Variants in CNTNAP2 observed in about 807,000 individuals in gnomAD.
CNTNAP2 encodes the protein contactin associated protein 2.
CNTNAP2 carries 98 observed loss-of-function variants against 155.2 expected under a neutral mutation model. The ratio of observed to expected loss-of-function variants is 0.63; its 90% CI spans 0.54 to 0.75. The LOEUF is 0.75. Among genes scored for constraint, CNTNAP2 ranks in the 30% least tolerant of loss-of-function variants. CNTNAP2 has a pLI of 0.00. For missense variants in CNTNAP2, 1,727 were observed against 1,688.1 expected, an observed-to-expected ratio of 1.02 and a Z score of -0.40; for synonymous variants, 651 against 631.2, an observed-to-expected ratio of 1.03 and a Z score of -0.47.
At chr7:146,654,645 T>G (rs886561342) in intron 1 of CNTNAP2, among the ~76,000 whole-genome samples, 32 of 152,214 alleles carry the variant, frequency 2.1e-4, no homozygotes, top group African/African-American at 7.7e-4. Context: ...GTGATTTGGT[T>G]GCATAATTTA....
chr7:146,246,074 A>G (rs542169976), intron 1 of CNTNAP2, among the ~76,000 whole-genome samples: 144 of 152,196 alleles, frequency 9.5e-4, no homozygotes, highest in Admixed American at 2.4e-3. Context: ...GCCATGCTGT[A>G]GCAGGCAAGT....
intron 12 of CNTNAP2, among the ~76,000 whole-genome samples, chr7:147,608,245 C>A (rs1801111234): frequency 1.3e-5 from 2 of 151,442 alleles, no homozygotes; most frequent in East Asian, 3.9e-4. Flanking sequence ...TAAGAAGTAC[C>A]TTGCACCTTA....
intron 18 of CNTNAP2, among the ~76,000 whole-genome samples, chr7:148,198,085 A>G (rs1395483924): frequency 2.0e-5 from 3 of 152,212 alleles, no homozygotes; most frequent in Admixed American, 2.0e-4. Flanking sequence ...TTCCATGTGA[A>G]GGGAACGATG....
chr7:146,674,432 C>T (rs1179402067), intron 1 of CNTNAP2, among the ~76,000 whole-genome samples: 1 of 151,958 alleles, frequency 6.6e-6, no homozygotes, highest in East Asian at 1.9e-4. Context: ...TCCAAACATT[C>T]TGTAGTAAAA....
chr7:147,191,060 G>A (rs1242261604), intron 8 of CNTNAP2, among the ~76,000 whole-genome samples: 1 of 152,060 alleles, frequency 6.6e-6, no homozygotes, highest in Non-Finnish European at 1.5e-5. Flanking sequence ...AGAAAGAAAA[G>A]AAGAAAAGGG....
intron 1 of CNTNAP2, among the ~76,000 whole-genome samples, chr7:146,635,625 A>T (rs1249427345): frequency 6.6e-6 from 1 of 152,198 alleles, no homozygotes; most frequent in Non-Finnish European, 1.5e-5. Context: ...GTTAAGCTGC[A>T]TGGGGTAGAC....
chr7:146,720,667 T>G (rs1801270513), intron 1 of CNTNAP2, among the ~76,000 whole-genome samples: 1 of 151,946 alleles, frequency 6.6e-6, no homozygotes, highest in Non-Finnish European at 1.5e-5. Context: ...CTTACTTCCA[T>G]TTCCATTCAC....
At chr7:147,705,660 C>T (rs1411899538) in intron 13 of CNTNAP2, among the ~76,000 whole-genome samples, 2 of 151,972 alleles carry the variant, frequency 1.3e-5, no homozygotes, top group South Asian at 2.1e-4. Context: ...GTTGAAGTTC[C>T]CAACTATTAT....
chr7:147,221,048 C>T (rs1240385923), intron 8 of CNTNAP2, among the ~76,000 whole-genome samples: 1 of 151,648 alleles, frequency 6.6e-6, no homozygotes, highest in East Asian at 1.9e-4. Flanking sequence ...AAATTGTTGT[C>T]CTGGAGTTGC....
At chr7:146,250,128 A>G (rs1257814701) in intron 1 of CNTNAP2, among the ~76,000 whole-genome samples, 1 of 152,192 alleles carries the variant, frequency 6.6e-6, no homozygotes, top group African/African-American at 2.4e-5. Flanking sequence ...CATCAGGGTA[A>G]CACCTTCAGT....
At chr7:146,846,880 A>G (rs979443756) in intron 3 of CNTNAP2, among the ~76,000 whole-genome samples, 4 of 152,166 alleles carry the variant, frequency 2.6e-5, no homozygotes, top group Non-Finnish European at 5.9e-5. Context: ...TGTATTTTTC[A>G]TCTATGAGAT....
intron 21 of CNTNAP2, among the ~76,000 whole-genome samples, chr7:148,331,926 G>T (rs1798033617): frequency 6.6e-6 from 1 of 152,094 alleles, no homozygotes; most frequent in Non-Finnish European, 1.5e-5. Flanking sequence ...AAATGGAGCT[G>T]CCTGCCTGCC....
intron 1 of CNTNAP2, among the ~76,000 whole-genome samples, chr7:146,382,622 T>G (rs1795405644): frequency 6.6e-6 from 1 of 152,170 alleles, no homozygotes; most frequent in South Asian, 2.1e-4. Flanking sequence ...AAGTAACATT[T>G]AAAAATTTTG....
intron 1 of CNTNAP2, among the ~76,000 whole-genome samples, chr7:146,548,313 A>C (rs1362288501): frequency 1.3e-5 from 2 of 151,856 alleles, no homozygotes; most frequent in African/African-American, 4.8e-5. Context: ...TTTTTTATGG[A>C]TGCATAGTAT....
At chr7:146,504,370 T>G (rs939778196) in intron 1 of CNTNAP2, among the ~76,000 whole-genome samples, 2 of 152,200 alleles carry the variant, frequency 1.3e-5, no homozygotes, top group African/African-American at 4.8e-5. Flanking sequence ...GCTGCCTTGA[T>G]TTCCTGGGAA....
chr7:147,069,542 A>G (rs1464877454), intron 4 of CNTNAP2, among the ~76,000 whole-genome samples: 1 of 152,234 alleles, frequency 6.6e-6, no homozygotes, highest in Admixed American at 6.5e-5. Context: ...GAGAACAAAC[A>G]GTATGACTTT....
intron 1 of CNTNAP2, among the ~76,000 whole-genome samples, chr7:146,172,286 G>A (rs1013173702): frequency 2.0e-5 from 3 of 151,906 alleles, no homozygotes; most frequent in African/African-American, 7.3e-5. Context: ...TCACAATTCT[G>A]GGGAGAGGAA....
At chr7:146,821,109 T>C (rs952499311) in intron 2 of CNTNAP2, among the ~76,000 whole-genome samples, 24 of 152,198 alleles carry the variant, frequency 1.6e-4, no homozygotes, top group Admixed American at 5.2e-4. Context: ...GGGTCTTGAC[T>C]CTTTATCCAA....
intron 15 of CNTNAP2, among the ~76,000 whole-genome samples, chr7:147,986,710 C>G (rs1040762555): frequency 6.6e-6 from 1 of 152,096 alleles, no homozygotes; most frequent in Admixed American, 6.5e-5. Flanking sequence ...GAACAATGAC[C>G]TTGGGTCTCT....
Sources: gnomAD v4.1 joint callset for allele counts (sites outside exome capture counted in the v4.1 genomes callset) on GRCh38, gnomAD v4.1.1 for gene constraint, MANE v1.5 for transcripts, NCBI Gene and HGNC (gene_info 2026-07-23, HGNC 2026-07-21) for gene names.